The following DIAPH2 variants were observed in gnomAD, a reference collection of about 807,000 sequenced individuals.
DIAPH2 encodes the protein diaphanous related formin 2, also known as protein diaphanous homolog 2.
DIAPH2 carries 35 observed loss-of-function variants against 92.7 expected under a neutral mutation model. The ratio of observed to expected loss-of-function variants is 0.38; its 90% CI spans 0.29 to 0.50. DIAPH2 has a LOEUF of 0.50. Ranked by LOEUF, DIAPH2 falls within the 20% of genes least tolerant of loss-of-function variation. DIAPH2 has a pLI of 0.94. For synonymous variants in DIAPH2, 301 were observed against 280.4 expected (o/e 1.07, Z -0.73); for missense variants, 701 against 819.5 (o/e 0.86, Z 1.77).
At chrX:96,966,261 C>G (rs1205933535) in intron 17 of DIAPH2, among the ~76,000 whole-genome samples, 2 of 111,303 alleles carry the variant, frequency 1.8e-5, no homozygotes, top group East Asian at 2.8e-4. Context: ...TTTCTTTTTT[C>G]TCATTTGATA....
chrX:97,333,682 A>T (rs1469891792), intron 23 of DIAPH2, among the ~76,000 whole-genome samples: 1 of 109,829 alleles, frequency 9.1e-6, no homozygotes, highest in Non-Finnish European at 1.9e-5. Context: ...CTCCTGCCTC[A>T]GCCTCCTGAG....
chrX:97,389,598 A>C lies in DIAPH2; in HGVS notation c.3145+5554A>C, dbSNP rs192607976. Among the ~76,000 whole-genome samples the C allele has an allele frequency of 5.7e-3, 630 of 111,303 alleles. 2 individuals carry two copies. Among genetic ancestry groups the C allele is most frequent in the African/African-American group, 0.019 (598 of 30,671 alleles). On this transcript the variant is annotated intron_variant, in intron 25 of 26. Transcript: ENST00000324765. The stretch of plus-strand genomic sequence containing the variant: ...TCACTGTTCTCCTAAAAATGTGTCT[A>C]TAACAGACAAAGAAAGAAGGGCTTA...
intron 5 of DIAPH2, among the ~76,000 whole-genome samples, chrX:96,889,323 AT>A (rs963142329): frequency 5.5e-5 from 6 of 109,387 alleles, no homozygotes; most frequent in African/African-American, 1.3e-4. Flanking sequence ...TGAAAAGCCT[AT>A]TTTTTTTTCT....
intron 4 of DIAPH2, among the ~76,000 whole-genome samples, chrX:96,879,128 C>T (rs1455218276): frequency 1.8e-5 from 2 of 111,614 alleles, no homozygotes; most frequent in African/African-American, 6.5e-5. Context: ...TATGTTTTAG[C>T]GCAGAAGACA....
intron 5 of DIAPH2, among the ~76,000 whole-genome samples, chrX:96,907,061 C>G (rs1395285293): frequency 8.9e-6 from 1 of 112,043 alleles, no homozygotes; most frequent in Non-Finnish European, 1.9e-5. Flanking sequence ...GGATGTGTAG[C>G]ATGTTAAGAC....
At chrX:97,093,421 G>C (rs1475150675) in intron 19 of DIAPH2, among the ~76,000 whole-genome samples, 1 of 111,099 alleles carries the variant, frequency 9.0e-6, no homozygotes, top group Admixed American at 9.5e-5. Flanking sequence ...TGGGGAATTG[G>C]GGTTTCACCA....
rs746536131 is a variant in DIAPH2, at chrX:97,334,998, C to CAAAAAAAAAAAAAAAA, written c.2845-13115_2845-13100dup. On this transcript the variant is annotated intron_variant, in intron 23 of 26. Transcript: ENST00000324765. ...TTCGTCTCAAAAAACAAAAACAAAA[C>CAAAAAAAAAAAAAAAA]AAAAAAAAAAAAAAAAAAGAGGAAG... Among the ~76,000 whole-genome samples, 56 of 31,397 alleles carry CAAAAAAAAAAAAAAAA rather than the reference C, an allele frequency of 1.8e-3. 1 individual carries two copies. Among genetic ancestry groups the CAAAAAAAAAAAAAAAA allele is most frequent in the Admixed American group, 2.4e-3 (4 of 1,639 alleles). 27.3% of individuals were successfully genotyped at this position (31,397 alleles called of 115,157 possible).
At chrX:97,368,645 C>G (rs1190608766) in intron 24 of DIAPH2, among the ~76,000 whole-genome samples, 2 of 111,188 alleles carry the variant, frequency 1.8e-5, no homozygotes, top group Non-Finnish European at 3.8e-5. Context: ...AGTCGTTCAT[C>G]CCATAAATTA....
rs775703493 is a variant in DIAPH2 at position 97,125,151 on chromosome X, A to G, written c.2589+10186A>G. On this transcript the variant is annotated intron_variant, in intron 21 of 26. Coordinates refer to ENST00000324765, the MANE Select transcript of DIAPH2 (RefSeq NM_006729.5). ...AGGATTGAGTTAAATGTTCCTTTGT[A>G]TACATCAATTGACTCATAAAGAGCA... 5.0e-4 allele frequency among the ~76,000 whole-genome samples: 56 copies of G among 111,496 alleles called. No individual in the cohort carries two copies. The Middle Eastern group carries it at 0.014, about 28-fold the overall frequency.
chrX:97,559,706 A>C (rs1009821465), intron 26 of DIAPH2, among the ~76,000 whole-genome samples: 1 of 111,798 alleles, frequency 8.9e-6, no homozygotes, highest in Non-Finnish European at 1.9e-5. Context: ...ATCAAAAACA[A>C]AGTAAAGATT....
intron 22 of DIAPH2, among the ~76,000 whole-genome samples, chrX:97,221,019 A>G (rs756768537): frequency 9.0e-6 from 1 of 111,511 alleles, no homozygotes; most frequent in Non-Finnish European, 1.9e-5. Flanking sequence ...ATTGTTAAAA[A>G]CAGTTCATTG....
chrX:96,972,045 G>C (rs752741707), intron 17 of DIAPH2, among the ~76,000 whole-genome samples: 1 of 111,376 alleles, frequency 9.0e-6, no homozygotes, highest in African/African-American at 3.3e-5. Context: ...AAACTTCACC[G>C]CCTGGGTTTT....
intron 20 of DIAPH2, among the ~76,000 whole-genome samples, chrX:97,107,131 T>C (rs2066947329): frequency 8.9e-6 from 1 of 112,098 alleles, no homozygotes. Flanking sequence ...TTTTTATCTT[T>C]GGGGAAATAT....
intron 26 of DIAPH2, among the ~76,000 whole-genome samples, chrX:97,457,076 A>C (rs1186961192): frequency 1.8e-5 from 2 of 111,720 alleles, no homozygotes; most frequent in African/African-American, 6.5e-5. Flanking sequence ...GCTGGAGTGC[A>C]GTGGCACTAT....
At chrX:97,292,072 AT>A (rs34226875) in intron 23 of DIAPH2, among the ~76,000 whole-genome samples, 30,001 of 83,870 alleles carry the variant, frequency 0.36, 4,075 homozygotes, top group Non-Finnish European at 0.46. Flanking sequence ...TATAGAAGCA[AT>A]TTTTTTTTTT....
At chrX:96,836,089 C>G (rs752086961) in intron 4 of DIAPH2, among the ~76,000 whole-genome samples, 2 of 104,173 alleles carry the variant, frequency 1.9e-5, no homozygotes, top group African/African-American at 3.4e-5. Flanking sequence ...CTGTGCCTAG[C>G]CAAGCATGGA....
At chrX:96,808,864 G>A (rs771253160) in intron 4 of DIAPH2, among the ~76,000 whole-genome samples, 1 of 111,137 alleles carries the variant, frequency 9.0e-6, no homozygotes, top group Non-Finnish European at 1.9e-5. Flanking sequence ...TTTAAATTAC[G>A]TGATGCCAGA....
chrX:96,887,782 C>A (rs2065273518), intron 5 of DIAPH2, among the ~76,000 whole-genome samples: 2 of 111,232 alleles, frequency 1.8e-5, no homozygotes, highest in African/African-American at 6.5e-5. Flanking sequence ...TTCCTGAAAC[C>A]TTTATTGAGT....
At chrX:97,438,769 T>G (rs1031134132) in intron 26 of DIAPH2, among the ~76,000 whole-genome samples, 4 of 111,365 alleles carry the variant, frequency 3.6e-5, no homozygotes, top group African/African-American at 1.3e-4. Context: ...TAGAAGACAA[T>G]GAAAAGATAA....
Sources: gnomAD v4.1 joint callset for allele counts (sites outside exome capture counted in the v4.1 genomes callset) on GRCh38, gnomAD v4.1.1 for gene constraint, MANE v1.5 for transcripts, NCBI Gene and HGNC (gene_info 2026-07-23, HGNC 2026-07-21) for gene names.